Variants in TMEM217B observed in about 807,000 individuals in gnomAD.
TMEM217B encodes transmembrane protein 217B.
chr6:37,247,556 T>A, the TMEM217B span, among the ~76,000 whole-genome samples: 9,990 of 151,900 alleles, frequency 0.066, 1,063 homozygotes, highest in African/African-American at 0.22. Context: ...ACCAGCTAAT[T>A]TTTGTATTTT....
At chr6:37,242,127 G>C in the TMEM217B span, among the ~76,000 whole-genome samples, 5 of 151,618 alleles carry the variant, frequency 3.3e-5, no homozygotes, top group Non-Finnish European at 7.4e-5. Context: ...AAGACAGTGT[G>C]GTCACTGTGA....
At chr6:37,242,532 T>C in the TMEM217B span, among the ~76,000 whole-genome samples, 1 of 152,202 alleles carries the variant, frequency 6.6e-6, no homozygotes, top group Non-Finnish European at 1.5e-5. Flanking sequence ...AAGCCTGTCA[T>C]GCTTTGGTGG....
At chr6:37,215,444 A>G in the TMEM217B span, among the ~76,000 whole-genome samples, 1 of 151,906 alleles carries the variant, frequency 6.6e-6, no homozygotes. Flanking sequence ...GCATGGTGGC[A>G]CGCGCCAACT....
At chr6:37,218,649 G>T in the TMEM217B span, 1 of 1,614,108 alleles carries the variant, frequency 6.2e-7, no homozygotes, top group Non-Finnish European at 8.5e-7. Flanking sequence ...CCAAACCAGC[G>T]CATGATTCTG....
At chr6:37,218,124 A>G in the TMEM217B span, 2 of 1,059,838 alleles carry the variant, frequency 1.9e-6, no homozygotes, top group Non-Finnish European at 2.3e-6. Flanking sequence ...TATGGGAAAG[A>G]AAAGGGCCAA....
the TMEM217B span, among the ~76,000 whole-genome samples, chr6:37,237,911 AT>A: frequency 6.6e-6 from 1 of 152,190 alleles, no homozygotes; most frequent in South Asian, 2.1e-4. Context: ...TGAGCTCAGA[AT>A]TCTGGATGAT....
the TMEM217B span, among the ~76,000 whole-genome samples, chr6:37,245,513 A>C: frequency 6.6e-6 from 1 of 152,256 alleles, no homozygotes; most frequent in Non-Finnish European, 1.5e-5. Flanking sequence ...GCCATGACTT[A>C]GTTCACAGGA....
the TMEM217B span, among the ~76,000 whole-genome samples, chr6:37,227,129 ACTT>A: frequency 2.0e-4 from 30 of 152,250 alleles, no homozygotes; most frequent in South Asian, 6.2e-3. Flanking sequence ...TACTCAACCT[ACTT>A]GTGTCTTGTG....
chr6:37,243,089 A>G, the TMEM217B span, among the ~76,000 whole-genome samples: 1 of 152,152 alleles, frequency 6.6e-6, no homozygotes, highest in African/African-American at 2.4e-5. Context: ...CTGTGAACAC[A>G]GTTGCCCTGC....
the TMEM217B span, among the ~76,000 whole-genome samples, chr6:37,215,709 G>GAGA: frequency 6.6e-6 from 1 of 152,144 alleles, no homozygotes; most frequent in South Asian, 2.1e-4. Context: ...ATCATTGGAT[G>GAGA]AGAATCAGGG....
At chr6:37,216,860 G>T in the TMEM217B span, among the ~76,000 whole-genome samples, 6 of 152,136 alleles carry the variant, frequency 3.9e-5, no homozygotes, top group Non-Finnish European at 8.8e-5. Context: ...CATCCCTTCT[G>T]CCATGTAAGG....
At chr6:37,226,237 CT>C in the TMEM217B span, among the ~76,000 whole-genome samples, 3 of 134,138 alleles carry the variant, frequency 2.2e-5, no homozygotes, top group African/African-American at 8.3e-5. Flanking sequence ...TCACCATTCT[CT>C]TTTTTTGTTT....
chr6:37,219,923 G>A, the TMEM217B span, among the ~76,000 whole-genome samples: 92 of 152,196 alleles, frequency 6.0e-4, no homozygotes, highest in African/African-American at 2.0e-3. Context: ...TTGGGCAATC[G>A]CTTCTCTACT....
chr6:37,232,481 G>C, the TMEM217B span, among the ~76,000 whole-genome samples: 1 of 152,156 alleles, frequency 6.6e-6, no homozygotes, highest in African/African-American at 2.4e-5. Context: ...TGCCTCCGGG[G>C]TTCACGCCAT....
the TMEM217B span, among the ~76,000 whole-genome samples, chr6:37,238,586 A>G: frequency 6.6e-6 from 1 of 152,146 alleles, no homozygotes; most frequent in Non-Finnish European, 1.5e-5. Flanking sequence ...AAGATCTAGG[A>G]AGACTTTTGC....
chr6:37,218,405 G>A, the TMEM217B span: 2 of 1,552,530 alleles, frequency 1.3e-6, no homozygotes, highest in Non-Finnish European at 1.8e-6. Context: ...TTGAACTCCT[G>A]ACCTCAGGCG....
At chr6:37,253,834 T>C in the TMEM217B span, among the ~76,000 whole-genome samples, 2 of 152,202 alleles carry the variant, frequency 1.3e-5, no homozygotes, top group East Asian at 3.8e-4. Context: ...TCTTTCCTTT[T>C]CTCTCCCTAC....
At chr6:37,252,615 GTGTA>G in the TMEM217B span, among the ~76,000 whole-genome samples, 6 of 91,224 alleles carry the variant, frequency 6.6e-5, no homozygotes, top group Admixed American at 2.7e-4. Context: ...GTGTATGTGT[GTGTA>G]TATATATATA....
At chr6:37,214,971 T>C in the TMEM217B span, among the ~76,000 whole-genome samples, 2 of 152,190 alleles carry the variant, frequency 1.3e-5, no homozygotes, top group Admixed American at 1.3e-4. Flanking sequence ...ACCTGAATTG[T>C]CTAAAAATAA....
Sources: gnomAD v4.1 joint callset for allele counts (sites outside exome capture counted in the v4.1 genomes callset) on GRCh38, gnomAD v4.1.1 for gene constraint, MANE v1.5 for transcripts, NCBI Gene and HGNC (gene_info 2026-07-23, HGNC 2026-07-21) for gene names.